Variants in TRIO observed in about 807,000 individuals in gnomAD.
TRIO encodes triple functional domain protein.
A neutral mutation model predicts 351.9 loss-of-function variants in TRIO; 58 were observed. The observed-to-expected ratio is 0.16, with a 90% confidence interval of 0.13 to 0.21. The LOEUF is 0.21. Ranked by LOEUF, TRIO falls within the 10% of genes least tolerant of loss-of-function variation. The pLI is 1.00. For synonymous variants in TRIO, 1,758 were observed against 1,595.7 expected (o/e 1.10, Z -2.42); for missense variants, 3,201 against 4,027.8 (o/e 0.79, Z 5.56).
Position 14,302,297 on chromosome 5 carries a change from C to T in TRIO, c.1369-2164C>T, listed in dbSNP as rs563085560. ...CAGAAGCGTTTTGATCTTAAGAATA[C>T]GTTGCAACTCCTCTTGGTTTTGGGT... is the stretch of plus-strand genomic sequence containing the variant. On this transcript the variant is annotated intron_variant, in intron 7 of 56. Coordinates refer to ENST00000344204, the MANE Select transcript of TRIO (RefSeq NM_007118.4). Among the ~76,000 whole-genome samples the T allele has an allele frequency of 2.8e-4, 43 of 152,292 alleles. No homozygotes were observed. The Middle Eastern group carries it at 0.014, about 48-fold the overall frequency.
chr5:14,507,328 C>T (rs1444245255), intron 56 of TRIO, 68 bp downstream of exon 56: 6 of 1,586,138 alleles, frequency 3.8e-6, no homozygotes, highest in South Asian at 1.1e-5. Flanking sequence ...GGACACAGAG[C>T]CCCCTCTGAA....
intron 27 of TRIO, 62 bp downstream of exon 27, chr5:14,391,052 T>C (rs1747040589): frequency 2.3e-6 from 3 of 1,303,342 alleles, no homozygotes; most frequent in East Asian, 4.9e-5. Flanking sequence ...AATGCGGCAT[T>C]ACTCATAACT....
chr5:14,377,871 A>T (rs1159327149), intron 19 of TRIO, 141 bp from the exon 20 acceptor site: 1 of 637,576 alleles, frequency 1.6e-6, no homozygotes, highest in East Asian at 2.9e-5. Flanking sequence ...TCACTGAGAC[A>T]GGAAAGCAGT....
intron 1 of TRIO, among the ~76,000 whole-genome samples, chr5:14,166,597 GC>G (rs1788775523): frequency 6.6e-6 from 1 of 152,120 alleles, no homozygotes; most frequent in Non-Finnish European, 1.5e-5. Context: ...TCATCCCTCT[GC>G]CCCGAGTGCT....
At chr5:14,459,875 T>A (rs1753638390) in intron 34 of TRIO, among the ~76,000 whole-genome samples, 1 of 152,226 alleles carries the variant, frequency 6.6e-6, no homozygotes, top group Admixed American at 6.5e-5. Flanking sequence ...ATTTTGGTTA[T>A]TTGAGGAAGG....
intron 1 of TRIO, among the ~76,000 whole-genome samples, chr5:14,245,012 A>G (rs1275754998): frequency 1.3e-5 from 2 of 152,204 alleles, no homozygotes; most frequent in African/African-American, 4.8e-5. Flanking sequence ...GGAGCTATGC[A>G]TCCCACAGTT....
intron 33 of TRIO, among the ~76,000 whole-genome samples, chr5:14,411,775 T>G (rs1389425592): frequency 1.3e-5 from 2 of 152,028 alleles, no homozygotes; most frequent in African/African-American, 4.8e-5. Flanking sequence ...TGGCTAGTTT[T>G]TTTTTTATTT....
intron 1 of TRIO, among the ~76,000 whole-genome samples, chr5:14,226,851 C>T (rs1318122282): frequency 6.6e-6 from 1 of 152,244 alleles, no homozygotes; most frequent in Non-Finnish European, 1.5e-5. Context: ...GCCGGGAAGT[C>T]AGAAGAAGGG....
intron 34 of TRIO, among the ~76,000 whole-genome samples, chr5:14,422,358 C>T (rs762985064): frequency 6.6e-6 from 1 of 152,194 alleles, no homozygotes; most frequent in Non-Finnish European, 1.5e-5. Flanking sequence ...GAGGAAGGAG[C>T]ACCTTCATTC....
At chr5:14,261,961 T>C (rs1439055809) in intron 1 of TRIO, among the ~76,000 whole-genome samples, 1 of 152,248 alleles carries the variant, frequency 6.6e-6, no homozygotes, top group East Asian at 1.9e-4. Flanking sequence ...AAGGAGTTTT[T>C]ATAGCCAGTT....
chr5:14,360,663 G>A (rs1212458849), intron 13 of TRIO, among the ~76,000 whole-genome samples: 1 of 152,218 alleles, frequency 6.6e-6, no homozygotes, highest in African/African-American at 2.4e-5. Flanking sequence ...CCCATAGTGG[G>A]CCGTGTGGCT....
At chr5:14,215,055 A>AG (rs1167090860) in intron 1 of TRIO, among the ~76,000 whole-genome samples, 5 of 152,238 alleles carry the variant, frequency 3.3e-5, no homozygotes, top group Non-Finnish European at 7.3e-5. Flanking sequence ...TAATTTAAAA[A>AG]GGAGGCTAGA....
At chr5:14,472,020 G>A (rs963453285) in intron 38 of TRIO, among the ~76,000 whole-genome samples, 1 of 152,178 alleles carries the variant, frequency 6.6e-6, no homozygotes, top group Non-Finnish European at 1.5e-5. Flanking sequence ...GAGGTGCCAG[G>A]TTGATGTTGG....
intron 1 of TRIO, among the ~76,000 whole-genome samples, chr5:14,169,169 ATTCT>A (rs148547239): frequency 0.08 from 11,530 of 144,608 alleles, 550 homozygotes; most frequent in Middle Eastern, 0.17. Context: ...ACTCCGTTAT[ATTCT>A]TTTTTAATGG....
At position 14,316,659 on chromosome 5, in the gene TRIO, G is replaced by A; in HGVS notation, c.1647G>A (p.Arg549=). The A allele has an allele frequency of 6.2e-7, 1 of 1,614,214 alleles. No individual in the cohort carries two copies. Among genetic ancestry groups the A allele is most frequent in the Non-Finnish European group, 8.5e-7 (1 of 1,180,048 alleles). ...DVIHEVLHHQ[R]QLENIWQHRK... ...TCCACGAGGTGCTGCACCACCAGCG[G>A]CAGCTGGAGAACATCTGGCAACACC... The change falls in exon 9 of 57, where the codon CGG becomes CGA. Residue 549 remains arginine (R), a synonymous_variant. Transcript: ENST00000344204.
chr5:14,229,196 CAG>C (rs1274663463), intron 1 of TRIO, among the ~76,000 whole-genome samples: 1 of 151,794 alleles, frequency 6.6e-6, no homozygotes, highest in East Asian at 1.9e-4. Context: ...TGATCTAGAA[CAG>C]GGTATGTCTG....
At chr5:14,228,997 A>T (rs190105522) in intron 1 of TRIO, among the ~76,000 whole-genome samples, 1 of 152,252 alleles carries the variant, frequency 6.6e-6, no homozygotes, top group Non-Finnish European at 1.5e-5. Flanking sequence ...AATGAAAGAG[A>T]CTAAAATTTA....
At chr5:14,463,044 G>A in intron 36 of TRIO, 119 bp downstream of exon 36, 1 of 1,272,874 alleles carries the variant, frequency 7.9e-7, no homozygotes, top group Non-Finnish European at 1.0e-6. Context: ...GTGGAAAAGG[G>A]CAATGCAGTG....
intron 1 of TRIO, among the ~76,000 whole-genome samples, chr5:14,196,034 G>A (rs1324820510): frequency 6.6e-6 from 1 of 152,070 alleles, no homozygotes; most frequent in Non-Finnish European, 1.5e-5. Flanking sequence ...GGGATTACTG[G>A]TTATTCTAAT....
Sources: allele counts gnomAD v4.1 joint callset (sites outside exome capture counted in the v4.1 genomes callset), GRCh38; gene constraint gnomAD v4.1.1; transcripts MANE v1.5; gene names NCBI Gene and HGNC (gene_info 2026-07-23, HGNC 2026-07-21).